Variants in CSMD2 observed in about 807,000 individuals in gnomAD.
The protein encoded by CSMD2 is CUB and sushi domain-containing protein 2.
A neutral mutation model predicts 398.5 loss-of-function variants in CSMD2; 130 were observed. That is an observed-to-expected ratio of 0.33 (90% confidence interval 0.28 to 0.38). The LOEUF (loss-of-function observed/expected upper bound fraction) is 0.38. Among genes scored for constraint, CSMD2 ranks in the 10% least tolerant of loss-of-function variants. The probability of loss-of-function intolerance (pLI) is 1.00; values close to 1 mark genes in which losing one functional copy is unlikely to be tolerated. For synonymous variants in CSMD2, 1,828 were observed against 1,908.5 expected, an observed-to-expected ratio of 0.96 and a Z score of 1.10; for missense variants, 3,829 against 4,764.9, an observed-to-expected ratio of 0.80 and a Z score of 5.78.
chr1:34,135,616 CAAAAAAAAAAAAAAA>C (rs55936483), intron 1 of CSMD2, among the ~76,000 whole-genome samples: 90 of 82,626 alleles, frequency 1.1e-3, no homozygotes, highest in South Asian at 2.4e-3. Context: ...GACTCCATCT[CAAAAAAAAAAAAAAA>C]AAAAAAAAAA....
intron 32 of CSMD2, among the ~76,000 whole-genome samples, chr1:33,628,722 TGAGG>T (rs1642282227): frequency 6.7e-6 from 1 of 149,288 alleles, no homozygotes; most frequent in Non-Finnish European, 1.5e-5. Flanking sequence ...TCCTAAGATG[TGAGG>T]TACAGATTGA....
chr1:34,038,105 G>A (rs555521981), intron 2 of CSMD2, among the ~76,000 whole-genome samples: 2 of 152,102 alleles, frequency 1.3e-5, no homozygotes, highest in African/African-American at 2.4e-5. Flanking sequence ...CTGAATCATC[G>A]CTCCCCCACC....
chr1:34,015,518 T>C (rs899815499), intron 3 of CSMD2, among the ~76,000 whole-genome samples: 8 of 152,170 alleles, frequency 5.3e-5, no homozygotes, highest in South Asian at 4.1e-4. Context: ...TACTTGGGCC[T>C]GGGGAAAGCT....
At chr1:33,777,774 G>T (rs1324033066) in intron 12 of CSMD2, among the ~76,000 whole-genome samples, 1 of 152,136 alleles carries the variant, frequency 6.6e-6, no homozygotes, top group Non-Finnish European at 1.5e-5. Context: ...CAGCATATTT[G>T]CTTCCCCTTT....
At chr1:33,571,871 T>C in intron 50 of CSMD2, 145 bp from the exon 51 acceptor site, 1 of 554,500 alleles carries the variant, frequency 1.8e-6, no homozygotes, top group South Asian at 8.4e-5. Flanking sequence ...GTTTGGTAAA[T>C]GAACAGGTGG....
chr1:33,849,746 C>G (rs1332216095), intron 5 of CSMD2, among the ~76,000 whole-genome samples: 1 of 151,166 alleles, frequency 6.6e-6, no homozygotes. Context: ...CTGGGCAAGA[C>G]AGTGAGACCC....
Position 33,710,770 on chromosome 1 carries a change from G to GGT in CSMD2, c.3407-1513_3407-1512insAC, listed in dbSNP as rs1645960205. On this transcript the variant is annotated intron_variant, in intron 21 of 70. Transcript: ENST00000373381. ...GAGAACATGGAAACCTTCAGAACAT[G>GGT]GAAACATAAGCTGCTCATGGGCTTA... Among the ~76,000 whole-genome samples, 31 of 2,122 alleles carry GGT rather than the reference G, an allele frequency of 0.015. No homozygotes were observed. The South Asian group carries it at 0.22, about 15-fold the overall frequency. 1.4% of individuals were successfully genotyped at this position (2,122 alleles called of 152,430 possible).
intron 1 of CSMD2, among the ~76,000 whole-genome samples, chr1:34,131,350 G>C (rs1014517196): frequency 6.6e-6 from 1 of 152,114 alleles, no homozygotes; most frequent in East Asian, 1.9e-4. Flanking sequence ...GCAGGAGAGG[G>C]GGGGGTCTTA....
rs375773005 is a variant in CSMD2 at position 33,859,783 on chromosome 1, T to A, written c.921-12787A>T. On this transcript the variant is annotated intron_variant, in intron 5 of 70. Coordinates refer to ENST00000373381, the MANE Select transcript of CSMD2 (RefSeq NM_001281956.2). ...CTGAGCACTGAGGGTTTTGGAAAGC[T>A]TAGGTGATTCCATCATGCTGCAAAA... Among the ~76,000 whole-genome samples the A allele has an allele frequency of 4.6e-5, 7 of 152,212 alleles. No homozygotes were observed. The East Asian group carries it at 1.2e-3, about 25-fold the overall frequency.
At chr1:33,577,965 A>C (rs1638408657) in intron 48 of CSMD2, among the ~76,000 whole-genome samples, 1 of 152,156 alleles carries the variant, frequency 6.6e-6, no homozygotes, top group Non-Finnish European at 1.5e-5. Context: ...CCTCGCCTGT[A>C]AATTGGGACT....
chr1:34,075,495 G>A (rs761312423), intron 2 of CSMD2, among the ~76,000 whole-genome samples: 1 of 152,186 alleles, frequency 6.6e-6, no homozygotes, highest in Non-Finnish European at 1.5e-5. Flanking sequence ...TCTGCAACTA[G>A]CTCCAAATGA....
chr1:33,535,179 A>G (rs987986441), intron 62 of CSMD2, among the ~76,000 whole-genome samples: 4 of 152,222 alleles, frequency 2.6e-5, no homozygotes, highest in Admixed American at 6.5e-5. Flanking sequence ...GAACACATAT[A>G]AAGTATAATA....
At chr1:33,921,882 C>T (rs1009411387) in intron 4 of CSMD2, among the ~76,000 whole-genome samples, 5 of 152,062 alleles carry the variant, frequency 3.3e-5, no homozygotes, top group African/African-American at 1.2e-4. Context: ...GGAAGGTTGC[C>T]GGTGGGGAGA....
intron 1 of CSMD2, among the ~76,000 whole-genome samples, chr1:34,128,617 C>A (rs1242331095): frequency 6.6e-6 from 1 of 152,212 alleles, no homozygotes; most frequent in Non-Finnish European, 1.5e-5. Context: ...ACCCACACAG[C>A]CTGGCAGGCT....
rs1487415685 is a variant in CSMD2, at chr1:33,635,849, C to T, written c.4969+511G>A. On this transcript the variant is annotated intron_variant, in intron 30 of 70. Coordinates refer to ENST00000373381, the MANE Select transcript of CSMD2 (RefSeq NM_001281956.2). This position sits in a 1 kb window ranked among gnomAD's most constrained non-coding sequence, Gnocchi z 5.0. ...GGCGGGTCTGAGCCTGCCTCTCTTA[C>T]CATGACAAAGGGGGTATGCTTGGCT... Among the ~76,000 whole-genome samples, 1 of 152,082 alleles carries T rather than the reference C, an allele frequency of 6.6e-6. No homozygotes were observed. Among genetic ancestry groups the T allele is most frequent in the Non-Finnish European group, 1.5e-5 (1 of 68,008 alleles).
chr1:33,801,317 C>T (rs1655579582), intron 10 of CSMD2, among the ~76,000 whole-genome samples: 1 of 152,156 alleles, frequency 6.6e-6, no homozygotes, highest in African/African-American at 2.4e-5. Context: ...TGTGTTCATA[C>T]TGAGAAGCTG....
At chr1:33,822,389 T>A (rs1324336913) in intron 7 of CSMD2, among the ~76,000 whole-genome samples, 1 of 152,072 alleles carries the variant, frequency 6.6e-6, no homozygotes, top group East Asian at 1.9e-4. Context: ...GAGTCTACAG[T>A]TAGAGGCCTG....
chr1:33,890,464 T>G (rs1641928220), intron 5 of CSMD2, among the ~76,000 whole-genome samples: 1 of 152,194 alleles, frequency 6.6e-6, no homozygotes, highest in Non-Finnish European at 1.5e-5. Context: ...TCTCCTGACC[T>G]TGTGATCTGC....
intron 1 of CSMD2, among the ~76,000 whole-genome samples, chr1:34,132,300 T>C (rs1402373258): frequency 6.6e-6 from 1 of 152,096 alleles, no homozygotes; most frequent in Non-Finnish European, 1.5e-5. Flanking sequence ...GATTCACTCT[T>C]ACCATGTGAC....
Sources: allele counts gnomAD v4.1 joint callset (sites outside exome capture counted in the v4.1 genomes callset), GRCh38; gene constraint gnomAD v4.1.1; non-coding constraint Gnocchi (gnomAD v3.1); transcripts MANE v1.5; gene names NCBI Gene and HGNC (gene_info 2026-07-23, HGNC 2026-07-21).